DDIAS: variants seen among roughly 807,000 people sequenced by gnomAD.
The protein encoded by DDIAS is DNA damage-induced apoptosis suppressor protein.
A neutral mutation model predicts 15.7 loss-of-function variants in DDIAS; 14 were observed. The ratio of observed to expected loss-of-function variants is 0.89; its 90% CI spans 0.59 to 1.39. DDIAS has a LOEUF of 1.39. Ranked by LOEUF, DDIAS falls within the 40% of genes most tolerant of loss-of-function variation. DDIAS has a pLI of 0.00. For missense variants in DDIAS, 1,035 were observed against 1,130.9 expected, an observed-to-expected ratio of 0.92 and a Z score of 1.22; for synonymous variants, 355 against 395.9, an observed-to-expected ratio of 0.90 and a Z score of 1.23.
intron 3 of DDIAS, among the ~76,000 whole-genome samples, chr11:82,919,707 G>C (rs1860705664): frequency 6.6e-6 from 1 of 152,174 alleles, no homozygotes; most frequent in Non-Finnish European, 1.5e-5. Flanking sequence ...GAATTCTGCT[G>C]TGAATCCATC....
Position 82,928,777 on chromosome 11 carries a change from G to A in DDIAS, c.114G>A (p.Arg38=). ...CFSRIILVSK[R]SNCPKCGSTG... is the part of the protein sequence containing the mutation. ...ACACTTTTTTCCACCACTTTTCTAG[G>A]TCTAATTGTCCAAAATGTGGCTCTA... The change falls in exon 4 of 6, where the codon AGG becomes AGA. Residue 38 remains arginine (R), a splice_region_variant and synonymous_variant. Transcript: ENST00000533655. 1 of 1,612,612 alleles carries A rather than the reference G, an allele frequency of 6.2e-7. No individual in the cohort carries two copies. The highest frequency in any genetic ancestry group is 8.5e-7 in the Non-Finnish European group (1 of 1,179,524).
intron 3 of DDIAS, among the ~76,000 whole-genome samples, chr11:82,924,348 C>T (rs1196552831): frequency 6.6e-6 from 1 of 152,116 alleles, no homozygotes; most frequent in Non-Finnish European, 1.5e-5. Flanking sequence ...TGTATGACTC[C>T]TCCAGTCCCT....
chr11:82,931,790 C>T lies in DDIAS; in HGVS notation c.452C>T (p.Ser151Phe), dbSNP rs1436811204. ...GCCAGTAACTTCTTACAGCAATGCT[C>T]TGACCACAAAAGAAAAGCCAAAGCA... Reference protein sequence around the residue: ...SDASNFLQQCSDHKRKAKALV... With the variant: ...SDASNFLQQCFDHKRKAKALV... Residue 151 changes from serine to phenylalanine, a missense_variant, in exon 6 of 6, where the codon TCT (serine) becomes TTT (phenylalanine). Transcript: ENST00000533655. 3 of 1,614,180 alleles carry T rather than the reference C, an allele frequency of 1.9e-6. No individual in the cohort carries two copies. Among genetic ancestry groups the T allele is most frequent in the Non-Finnish European group, 2.5e-6 (3 of 1,180,028 alleles).
Position 82,930,150 on chromosome 11 carries a change from A to G in DDIAS, c.276-7A>G, listed in dbSNP as rs768847192. On this transcript the variant is annotated splice_region_variant and splice_polypyrimidine_tract_variant and intron_variant, in intron 4 of 5. Transcript: ENST00000533655. Reference sequence around the variant, plus strand: ...GCTTCACATTTTTTACTTTTTTTCCAATCAAGGTACATTCAGGATCCTAAT... The same window carrying G: ...GCTTCACATTTTTTACTTTTTTTCCGATCAAGGTACATTCAGGATCCTAAT... 66 of 1,495,996 alleles carry G rather than the reference A, an allele frequency of 4.4e-5. 1 individual carries two copies. The East Asian group carries it at 7.0e-4, about 16-fold the overall frequency. 92.7% of individuals were successfully genotyped at this position (1,495,996 alleles called of 1,614,324 possible). A position where few individuals can be genotyped will look rare whatever the true frequency, so the allele number is the denominator to read the frequency against.
chr11:82,914,372 A>T (rs1195756623), intron 2 of DDIAS, among the ~76,000 whole-genome samples: 2 of 152,236 alleles, frequency 1.3e-5, no homozygotes, highest in Admixed American at 6.5e-5. Flanking sequence ...CAAGATGCTC[A>T]ACCGGTAGTT....
chr11:82,922,935 C>T (rs955915233), intron 3 of DDIAS, among the ~76,000 whole-genome samples: 4 of 152,168 alleles, frequency 2.6e-5, no homozygotes, highest in African/African-American at 9.7e-5. Flanking sequence ...TCCTATGAGC[C>T]GAGCTGCAGT....
intron 3 of DDIAS, among the ~76,000 whole-genome samples, chr11:82,919,264 T>C (rs191804128): frequency 2.0e-5 from 3 of 152,342 alleles, no homozygotes; most frequent in Admixed American, 6.5e-5. Flanking sequence ...CATTGAGGTA[T>C]GTCCCTTGTA....
At chr11:82,906,366 A>G (rs1271767261) in intron 1 of DDIAS, among the ~76,000 whole-genome samples, 1 of 152,134 alleles carries the variant, frequency 6.6e-6, no homozygotes, top group African/African-American at 2.4e-5. Flanking sequence ...GATCCACTAG[A>G]GGGCAGTAAA....
Position 82,933,850 on chromosome 11 carries a change from A to G in DDIAS, c.2512A>G (p.Ile838Val), listed in dbSNP as rs200675617. 3.7e-5 allele frequency: 59 copies of G among 1,614,000 alleles called. No individual in the cohort carries two copies. Among genetic ancestry groups the G allele is most frequent in the African/African-American group, 2.1e-4 (16 of 74,926 alleles). Residue 838 changes from isoleucine to valine, a missense_variant, in exon 6 of 6, where the codon ATT (isoleucine) becomes GTT (valine). By Grantham distance (29) the Ile-to-Val change is conservative. Transcript: ENST00000533655. Reference protein sequence around the residue: ...KTPSQKIRSPIVSGVSQPDVF... With the variant: ...KTPSQKIRSPVVSGVSQPDVF... The stretch of plus-strand genomic sequence containing the variant: ...ACCTAGCCAGAAAATCAGAAGCCCT[A>G]TTGTATCTGGTGTTTCACAACCAGA...
intron 3 of DDIAS, among the ~76,000 whole-genome samples, chr11:82,925,410 AAC>A (rs954383031): frequency 2.0e-5 from 3 of 152,118 alleles, no homozygotes; most frequent in Admixed American, 2.0e-4. Context: ...TAGTCAGGGC[AAC>A]ACAGTGAGAC....
rs372898853 is a variant in DDIAS, at chr11:82,928,916, C to G, written c.253C>G (p.Leu85Val). 1.2e-5 allele frequency: 20 copies of G among 1,611,872 alleles called. No homozygotes were observed. Among genetic ancestry groups the G allele is most frequent in the Non-Finnish European group, 1.6e-5 (19 of 1,179,530 alleles). ...FGSCLDTFFG[L>V]TATGLHRYIQ... ...AAGTTGCTTAGATACATTTTTTGGT[C>G]TTACTGCCACTGGTTTGCACAGGTA... Residue 85 changes from leucine to valine, a missense_variant, in exon 4 of 6, where the codon CTT (leucine) becomes GTT (valine). By Grantham distance (32) the Leu-to-Val change is conservative. Coordinates refer to ENST00000533655, the MANE Select transcript of DDIAS (RefSeq NM_145018.4).
At position 82,933,828 on chromosome 11, in the gene DDIAS, T is replaced by C. The variant is rs1861057365; in HGVS notation, c.2490T>C (p.Pro830=). 6.2e-7 allele frequency: 1 copy of C among 1,613,806 alleles called. No homozygotes were observed. Among genetic ancestry groups the C allele is most frequent in the Non-Finnish European group, 8.5e-7 (1 of 1,179,956 alleles). The change falls in exon 6 of 6, where the codon CCT becomes CCC. Residue 830 remains proline (P), a synonymous_variant. Transcript: ENST00000533655. ...GCTGTCCAAAAAATATAAAAACACC[T>C]AGCCAGAAAATCAGAAGCCCTATTG... ...SPSCPKNIKT[P]SQKIRSPIVS... is the part of the protein sequence containing the mutation.
chr11:82,909,640 T>G (rs1190994417), intron 1 of DDIAS, among the ~76,000 whole-genome samples: 2 of 152,212 alleles, frequency 1.3e-5, no homozygotes, highest in African/African-American at 4.8e-5. Context: ...AATGGCAATT[T>G]TCTTTGACCC....
In DDIAS at chr11:82,928,821, C is replaced by A. The variant is rs191016474; in HGVS notation, c.158C>A (p.Ala53Asp). 6.2e-7 allele frequency: 1 copy of A among 1,613,252 alleles called. No individual in the cohort carries two copies. Among genetic ancestry groups the A allele is most frequent in the Admixed American group, 1.7e-5 (1 of 59,912 alleles). The change falls in exon 4 of 6, where the codon GCC becomes GAC. Residue 53 changes from alanine (A) to aspartate (D), a missense_variant. By Grantham distance (126) the Ala-to-Asp change is moderately radical. Coordinates refer to ENST00000533655, the MANE Select transcript of DDIAS (RefSeq NM_145018.4). ...KCGSTGESGN[A>D]NYRYKLSLKV... Reference sequence around the variant, plus strand: ...GGCTCTACTGGTGAATCTGGAAATGCCAATTACAGATACAAACTTTCCTTA... The same window carrying A: ...GGCTCTACTGGTGAATCTGGAAATGACAATTACAGATACAAACTTTCCTTA...
chr11:82,908,954 T>G lies in DDIAS; in HGVS notation c.-116-4333T>G, dbSNP rs1406062402. Among the ~76,000 whole-genome samples the G allele has an allele frequency of 2.0e-5, 3 of 152,228 alleles. No homozygotes were observed. The East Asian group carries it at 5.8e-4, about 29-fold the overall frequency. On this transcript the variant is annotated intron_variant, in intron 1 of 5. Coordinates refer to ENST00000533655, the MANE Select transcript of DDIAS (RefSeq NM_145018.4). ...TCTCTGCTCAGCCCCTTGGGTCACT[T>G]ACTCTATTTTATGGAATAAAGTATT...
intron 1 of DDIAS, among the ~76,000 whole-genome samples, chr11:82,911,946 A>G (rs1489329070): frequency 6.6e-6 from 1 of 152,198 alleles, no homozygotes; most frequent in East Asian, 1.9e-4. Flanking sequence ...GTTGTCAATG[A>G]GCATTAATAT....
intron 3 of DDIAS, among the ~76,000 whole-genome samples, chr11:82,923,011 G>A (rs1190638819): frequency 6.6e-6 from 1 of 152,156 alleles, no homozygotes; most frequent in African/African-American, 2.4e-5. Flanking sequence ...TGGTATTCAG[G>A]GTTTGTCTGC....
intron 3 of DDIAS, among the ~76,000 whole-genome samples, chr11:82,920,784 T>C (rs1467637678): frequency 1.3e-5 from 2 of 152,242 alleles, no homozygotes. Context: ...AGGCTTGTTT[T>C]CTGGCTTATC....
intron 5 of DDIAS, among the ~76,000 whole-genome samples, chr11:82,931,017 G>A (rs548556525): frequency 1.3e-5 from 2 of 150,608 alleles, no homozygotes; most frequent in African/African-American, 4.9e-5. Context: ...TCTTTCCTTA[G>A]CTAAAGAGAA....
Sources: allele counts gnomAD v4.1 joint callset (sites outside exome capture counted in the v4.1 genomes callset), GRCh38; gene constraint gnomAD v4.1.1; transcripts MANE v1.5; gene names NCBI Gene and HGNC (gene_info 2026-07-23, HGNC 2026-07-21).